The following SLC30A8 variants were observed in gnomAD, a reference collection of about 807,000 sequenced individuals.
The protein encoded by SLC30A8 is solute carrier family 30 member 8.
Under a neutral mutation model 36.9 loss-of-function variants are expected in SLC30A8, and 27 were observed. The observed-to-expected ratio is 0.73, with a 90% CI of 0.54 to 1.01. The LOEUF (loss-of-function observed/expected upper bound fraction) is 1.01, where lower values mean the gene tolerates loss of function less well. Among genes scored for constraint, SLC30A8 ranks in the 50% least tolerant of loss-of-function variants. SLC30A8 has a pLI of 0.00. For missense variants in SLC30A8, 439 were observed against 452.0 expected (o/e 0.97, Z 0.26); for synonymous variants, 164 against 172.4 (o/e 0.95, Z 0.38).
Position 117,176,426 on chromosome 8 carries a change from C to CTGTT in SLC30A8, c.*3747_*3750dup, listed in dbSNP as rs1014775901. 1.3e-5 allele frequency: 2 copies of CTGTT among 152,456 alleles called. No homozygotes were observed. Among genetic ancestry groups the CTGTT allele is most frequent in the Non-Finnish European group, 2.9e-5 (2 of 67,992 alleles). The allele number at this position is 152,456 out of a possible 1,614,324, so 9.4% of individuals were successfully genotyped here. A position where few individuals can be genotyped will look rare whatever the true frequency, so the allele number is the denominator to read the frequency against. ...TCCCTGTTTTGGATCACAGGGCAAT[C>CTGTT]TGTTTAAATGACTAATTACAGAAAT... On this transcript the variant is annotated 3_prime_UTR_variant, in exon 8 of 8. Coordinates refer to ENST00000456015, the MANE Select transcript of SLC30A8 (RefSeq NM_173851.3).
Position 117,172,761 on chromosome 8 carries a change from T to C in SLC30A8, c.*80T>C, listed in dbSNP as rs751040638. 1.4e-4 allele frequency: 212 copies of C among 1,516,004 alleles called. No individual in the cohort carries two copies. Among genetic ancestry groups the C allele is most frequent in the Non-Finnish European group, 1.9e-4 (210 of 1,106,306 alleles). 93.9% of individuals were successfully genotyped at this position (1,516,004 alleles called of 1,614,324 possible). A position where few individuals can be genotyped will look rare whatever the true frequency, so the allele number is the denominator to read the frequency against. ...TATGCAGTTTCTGCATCATAGAAAATAAGGAACCAAAGGAAGAAATTCATG... is the reference window on the plus strand; with the variant it reads ...TATGCAGTTTCTGCATCATAGAAAACAAGGAACCAAAGGAAGAAATTCATG... On this transcript the variant is annotated 3_prime_UTR_variant, in exon 8 of 8. Coordinates refer to ENST00000456015, the MANE Select transcript of SLC30A8 (RefSeq NM_173851.3).
intron 1 of SLC30A8, among the ~76,000 whole-genome samples, chr8:117,032,704 A>T (rs1817092248): frequency 6.6e-6 from 1 of 152,174 alleles, no homozygotes; most frequent in Non-Finnish European, 1.5e-5. Context: ...AGCCTGGCCA[A>T]CATGGCTAAA....
At chr8:116,975,929 A>T (rs1200085107) in intron 1 of SLC30A8, among the ~76,000 whole-genome samples, 5 of 152,162 alleles carry the variant, frequency 3.3e-5, no homozygotes, top group African/African-American at 1.2e-4. Flanking sequence ...TCATTTGAAA[A>T]TTATGGCCTT....
At chr8:117,130,185 G>A (rs1030295412), upstream of SLC30A8, 4 of 151,974 alleles carry the variant, frequency 2.6e-5, no homozygotes, top group Non-Finnish European at 5.9e-5. Context: ...TTCCAAGCAG[G>A]AAAGACAGCT....
chr8:117,164,549 G>A (rs1319379302), intron 6 of SLC30A8, among the ~76,000 whole-genome samples: 2 of 152,090 alleles, frequency 1.3e-5, no homozygotes, highest in African/African-American at 4.8e-5. Context: ...ACTGCAGCCT[G>A]GGTGACAGAG....
chr8:117,094,681 GC>G (rs968817422), intron 2 of SLC30A8, among the ~76,000 whole-genome samples: 4 of 152,186 alleles, frequency 2.6e-5, no homozygotes, highest in African/African-American at 9.7e-5. Flanking sequence ...CAGCAGCCTG[GC>G]CCCCAGGCTT....
intron 2 of SLC30A8, among the ~76,000 whole-genome samples, chr8:117,071,687 A>G (rs1477983756): frequency 6.6e-6 from 1 of 152,004 alleles, no homozygotes; most frequent in African/African-American, 2.4e-5. Context: ...TTCACATCTT[A>G]TATTTATGCC....
chr8:117,172,496 T>G (rs751462836), intron 7 of SLC30A8, 40 bp from the exon 8 acceptor site: 12 of 1,613,066 alleles, frequency 7.4e-6, no homozygotes, highest in Non-Finnish European at 8.5e-6. Flanking sequence ...CCCATGCGTG[T>G]GCAATCAGTG....
chr8:116,960,095 A>C (rs949771935), intron 1 of SLC30A8, among the ~76,000 whole-genome samples: 48 of 152,210 alleles, frequency 3.2e-4, no homozygotes, highest in African/African-American at 1.1e-3. Context: ...CATCTTTCAG[A>C]GATCACTGAC....
intron 1 of SLC30A8, among the ~76,000 whole-genome samples, chr8:116,973,708 C>T (rs1183237556): frequency 2.0e-5 from 3 of 152,084 alleles, no homozygotes; most frequent in African/African-American, 4.8e-5. Context: ...CATATGGAAC[C>T]AAAAAAGAGC....
intron 1 of SLC30A8, among the ~76,000 whole-genome samples, chr8:117,139,973 G>T (rs960554439): frequency 6.6e-6 from 1 of 150,950 alleles, no homozygotes; most frequent in East Asian, 1.9e-4. Flanking sequence ...AAAGAACAAA[G>T]AATTAAAGAT....
At chr8:117,093,891 G>A (rs938457926) in intron 2 of SLC30A8, among the ~76,000 whole-genome samples, 2 of 152,200 alleles carry the variant, frequency 1.3e-5, no homozygotes, top group African/African-American at 4.8e-5. Flanking sequence ...AGTGAGCATG[G>A]GAGGGTCCAG....
intron 2 of SLC30A8, among the ~76,000 whole-genome samples, chr8:117,062,473 C>A (rs1018195401): frequency 1.3e-5 from 2 of 152,154 alleles, no homozygotes; most frequent in Non-Finnish European, 2.9e-5. Flanking sequence ...GTTTTTTAAA[C>A]GATCAGATCT....
intron 1 of SLC30A8, among the ~76,000 whole-genome samples, chr8:116,988,216 C>A (rs1815513778): frequency 6.6e-6 from 1 of 152,078 alleles, no homozygotes; most frequent in South Asian, 2.1e-4. Flanking sequence ...TTCAAAAGGG[C>A]ATTTTGGGGG....
intron 1 of SLC30A8, among the ~76,000 whole-genome samples, chr8:116,999,166 A>G (rs1466143469): frequency 6.6e-6 from 1 of 152,142 alleles, no homozygotes; most frequent in Non-Finnish European, 1.5e-5. Context: ...GGCTGAAACA[A>G]GAGAATTGCT....
chr8:117,172,886 T>G lies in SLC30A8; in HGVS notation c.*205T>G. On this transcript the variant is annotated 3_prime_UTR_variant, in exon 8 of 8. Coordinates refer to ENST00000456015, the MANE Select transcript of SLC30A8 (RefSeq NM_173851.3). Reference sequence around the variant, plus strand: ...ATCAATTGGATTATATACTGATCAGTAGCTGTGTTCAATTGCAGGAATGTG... The same window carrying G: ...ATCAATTGGATTATATACTGATCAGGAGCTGTGTTCAATTGCAGGAATGTG... 40 of 572,994 alleles carry G rather than the reference T, an allele frequency of 7.0e-5. No individual in the cohort carries two copies. The highest frequency in any genetic ancestry group is 9.2e-5 in the Non-Finnish European group (30 of 326,606). The allele number at this position is 572,994 out of a possible 1,614,324, so 35.5% of individuals were successfully genotyped here.
At chr8:117,015,027 A>ATG (rs1327461126) in intron 1 of SLC30A8, among the ~76,000 whole-genome samples, 1 of 150,622 alleles carries the variant, frequency 6.6e-6, no homozygotes, top group African/African-American at 2.4e-5. Context: ...ATATATATAT[A>ATG]TAGATATACC....
At chr8:117,108,920 C>T (rs181354236) in intron 2 of SLC30A8, among the ~76,000 whole-genome samples, 46 of 152,294 alleles carry the variant, frequency 3.0e-4, no homozygotes, top group South Asian at 6.2e-4. Flanking sequence ...CAGCTTTCAG[C>T]GTCACCCTTT....
In SLC30A8 at chr8:117,175,470, T is replaced by C. The variant is rs1004244252; in HGVS notation, c.*2789T>C. 6.6e-6 allele frequency: 1 copy of C among 152,120 alleles called. No homozygotes were observed. The highest frequency in any genetic ancestry group is 2.4e-5 in the African/African-American group (1 of 41,434). The allele number at this position is 152,120 out of a possible 1,614,324, so 9.4% of individuals were successfully genotyped here. On this transcript the variant is annotated 3_prime_UTR_variant, in exon 8 of 8. Transcript: ENST00000456015. ...ACATGAAAGAAAGGATGTTTACACATTAAGCATCAGTTCTGAAGCTAGATT... is the reference window on the plus strand; with the variant it reads ...ACATGAAAGAAAGGATGTTTACACACTAAGCATCAGTTCTGAAGCTAGATT...
Sources: allele counts gnomAD v4.1 joint callset (sites outside exome capture counted in the v4.1 genomes callset), GRCh38; gene constraint gnomAD v4.1.1; transcripts MANE v1.5; gene names NCBI Gene and HGNC (gene_info 2026-07-23, HGNC 2026-07-21).